The following CHD7 variants were observed in gnomAD, a reference collection of about 807,000 sequenced individuals.
CHD7 encodes the protein chromodomain helicase DNA binding protein 7.
CHD7 carries 24 observed loss-of-function variants against 307.3 expected under a neutral mutation model. That is an observed-to-expected ratio of 0.08 (90% confidence interval 0.06 to 0.11). The LOEUF (loss-of-function observed/expected upper bound fraction) is 0.11. Ranked by LOEUF, CHD7 falls within the 10% of genes least tolerant of loss-of-function variation. The pLI, the probability that CHD7 is intolerant of heterozygous loss-of-function variation, is 1.00. For missense variants in CHD7, 3,106 were observed against 3,727.1 expected, an observed-to-expected ratio of 0.83 and a Z score of 4.34; for synonymous variants, 1,363 against 1,349.9, an observed-to-expected ratio of 1.01 and a Z score of -0.21.
At chr8:60,796,334 G>A (rs768951272) in intron 4 of CHD7, among the ~76,000 whole-genome samples, 1 of 152,132 alleles carries the variant, frequency 6.6e-6, no homozygotes, top group Non-Finnish European at 1.5e-5. Context: ...CAACTAAAGT[G>A]TTTTATTGAT....
chr8:60,738,944 G>T (rs1275747153), intron 1 of CHD7, among the ~76,000 whole-genome samples: 1 of 152,148 alleles, frequency 6.6e-6, no homozygotes, highest in Non-Finnish European at 1.5e-5. Flanking sequence ...GTACTCTCAG[G>T]CAGGGCTGTT....
chr8:60,713,353 G>A (rs1001040485), intron 1 of CHD7, among the ~76,000 whole-genome samples: 34 of 151,826 alleles, frequency 2.2e-4, no homozygotes, highest in African/African-American at 7.7e-4. Context: ...CTCGTGACCC[G>A]CCTGCGTTGG....
chr8:60,708,570 A>G (rs1249740822), intron 1 of CHD7, among the ~76,000 whole-genome samples: 1 of 152,140 alleles, frequency 6.6e-6, no homozygotes, highest in Non-Finnish European at 1.5e-5. Context: ...CTGCCTGCCT[A>G]CATTTCTAAC....
chr8:60,740,928 T>C (rs1808966812), intron 1 of CHD7, among the ~76,000 whole-genome samples: 1 of 152,226 alleles, frequency 6.6e-6, no homozygotes, highest in Non-Finnish European at 1.5e-5. Context: ...GCTTGCCTGC[T>C]GTGGCAGCTG....
chr8:60,811,497 A>G (rs1293714935), intron 7 of CHD7, among the ~76,000 whole-genome samples: 1 of 152,162 alleles, frequency 6.6e-6, no homozygotes, highest in Non-Finnish European at 1.5e-5. Context: ...ATCTGTTCAT[A>G]GGGGTCCTCC....
chr8:60,858,412 C>T (rs1295538019), intron 34 of CHD7, among the ~76,000 whole-genome samples: 1 of 152,134 alleles, frequency 6.6e-6, no homozygotes, highest in Non-Finnish European at 1.5e-5. Context: ...AGTTAAAATG[C>T]CATTTCTAGG....
intron 1 of CHD7, among the ~76,000 whole-genome samples, chr8:60,723,231 CTTATT>C (rs548483276): frequency 5.8e-4 from 88 of 151,964 alleles, no homozygotes; most frequent in Non-Finnish European, 1.2e-3. Flanking sequence ...TATTCGAATA[CTTATT>C]TTATTTTATC....
At chr8:60,840,229 G>A (rs1269233071) in intron 19 of CHD7, among the ~76,000 whole-genome samples, 2 of 152,152 alleles carry the variant, frequency 1.3e-5, no homozygotes, top group African/African-American at 4.8e-5. Flanking sequence ...CTCCAATCTG[G>A]AAAGGCTCTT....
At chr8:60,719,082 C>T (rs1464950771) in intron 1 of CHD7, among the ~76,000 whole-genome samples, 16 of 152,152 alleles carry the variant, frequency 1.1e-4, no homozygotes, top group Admixed American at 9.8e-4. Context: ...AATCACTTAG[C>T]GACACATTTC....
intron 24 of CHD7, 77 bp from the exon 25 acceptor site, chr8:60,848,974 C>T: frequency 1.8e-6 from 2 of 1,111,626 alleles, no homozygotes; most frequent in Non-Finnish European, 2.8e-6. Flanking sequence ...GGAGAGAGGG[C>T]ATGTGAGCTA....
chr8:60,684,977 G>A (rs1257098091), intron 1 of CHD7, among the ~76,000 whole-genome samples: 2 of 152,162 alleles, frequency 1.3e-5, no homozygotes, highest in Non-Finnish European at 2.9e-5. Flanking sequence ...CAGTTTCAAC[G>A]AATAGGACTT....
chr8:60,850,400 C>A, intron 25 of CHD7, 93 bp from the exon 26 acceptor site: 1 of 1,457,736 alleles, frequency 6.9e-7, no homozygotes, highest in Non-Finnish European at 9.2e-7. Flanking sequence ...GACTGAAAAA[C>A]AAACTTGTGT....
intron 3 of CHD7, 62 bp from the exon 4 acceptor site, chr8:60,794,924 A>C (rs1811944525): frequency 2.1e-6 from 3 of 1,460,652 alleles, no homozygotes; most frequent in Non-Finnish European, 2.8e-6. Flanking sequence ...AATGTGGGAA[A>C]TATAAGAGAC....
At chr8:60,761,078 A>G (rs953546635) in intron 2 of CHD7, among the ~76,000 whole-genome samples, 20 of 152,114 alleles carry the variant, frequency 1.3e-4, no homozygotes, top group African/African-American at 4.8e-4. Flanking sequence ...AATAGCAAAG[A>G]CTTGGAACCA....
At chr8:60,821,657 T>C (rs568434616) in intron 9 of CHD7, 133 bp from the exon 10 acceptor site, 27 of 645,032 alleles carry the variant, frequency 4.2e-5, no homozygotes, top group East Asian at 9.2e-5. Flanking sequence ...TATATACACA[T>C]ACATATATAT....
Position 60,866,120 on chromosome 8 carries a change from T to G in CHD7, c.*187T>G. ...ATCTTGGTCATTAAGTATTGTGCAGTGCATTATTTATTATCCCTAGGAGAG... is the reference window on the plus strand; with the variant it reads ...ATCTTGGTCATTAAGTATTGTGCAGGGCATTATTTATTATCCCTAGGAGAG... On this transcript the variant is annotated 3_prime_UTR_variant, in exon 38 of 38. Transcript: ENST00000423902. The G allele has an allele frequency of 1.8e-6, 1 of 566,096 alleles. No individual in the cohort carries two copies. The highest frequency in any genetic ancestry group is 3.1e-6 in the Non-Finnish European group (1 of 320,370). 35.1% of individuals were successfully genotyped at this position (566,096 alleles called of 1,614,324 possible). A position where few individuals can be genotyped will look rare whatever the true frequency, so the allele number is the denominator to read the frequency against.
At chr8:60,860,249 CG>C (rs1805907563) in intron 34 of CHD7, among the ~76,000 whole-genome samples, 1 of 152,052 alleles carries the variant, frequency 6.6e-6, no homozygotes, top group Admixed American at 6.5e-5. Flanking sequence ...TATCATTATC[CG>C]GGGATCTCCA....
At chr8:60,679,595 G>A (rs1320728151) in intron 1 of CHD7, 1 of 148,376 alleles carries the variant, frequency 6.7e-6, no homozygotes, top group African/African-American at 2.4e-5. Flanking sequence ...AGCGGGCGAT[G>A]GGCGCGCGGG....
chr8:60,757,046 C>G (rs929999808), intron 2 of CHD7, among the ~76,000 whole-genome samples: 1 of 152,192 alleles, frequency 6.6e-6, no homozygotes, highest in African/African-American at 2.4e-5. Flanking sequence ...TATTGAGTCT[C>G]TAACATTTGT....
Sources: allele counts gnomAD v4.1 joint callset (sites outside exome capture counted in the v4.1 genomes callset), GRCh38; gene constraint gnomAD v4.1.1; transcripts MANE v1.5; gene names NCBI Gene and HGNC (gene_info 2026-07-23, HGNC 2026-07-21).